EFNA5: variants seen among roughly 807,000 people sequenced by gnomAD.
EFNA5 encodes ephrin-A5.
EFNA5 carries 5 observed loss-of-function variants against 22.9 expected under a neutral mutation model. The observed-to-expected ratio is 0.22, with a 90% CI of 0.11 to 0.46. The LOEUF (loss-of-function observed/expected upper bound fraction) is 0.46. Among genes scored for constraint, EFNA5 ranks in the 20% least tolerant of loss-of-function variants. The pLI is 0.99. For synonymous variants in EFNA5, 113 were observed against 112.2 expected, an observed-to-expected ratio of 1.01 and a Z score of -0.04; for missense variants, 237 against 293.3, an observed-to-expected ratio of 0.81 and a Z score of 1.40.
intron 1 of EFNA5, among the ~76,000 whole-genome samples, chr5:107,471,204 C>A (rs936411352): frequency 6.6e-6 from 1 of 152,234 alleles, no homozygotes; most frequent in Non-Finnish European, 1.5e-5. Context: ...AGCATGGAAC[C>A]TATCCAGCCT....
In EFNA5 at chr5:107,399,321, AAAGGAAAG is replaced by A. The variant is rs1337819848; in HGVS notation, c.419-11558_419-11551del. Among the ~76,000 whole-genome samples the A allele has an allele frequency of 8.7e-5, 8 of 92,384 alleles. No individual in the cohort carries two copies. In the East Asian group the frequency reaches 2.5e-3, roughly 29 times the overall value. The allele number at this position is 92,384 out of a possible 152,430, so 60.6% of individuals were successfully genotyped here. ...AGGAAGGAAGGAAGGAAGGAAACGG[AAAGGAAAG>A]GAAAGGAAAGGAAAGGAAAGGAAAG... is the stretch of plus-strand genomic sequence containing the variant. On this transcript the variant is annotated intron_variant, in intron 2 of 4. Coordinates refer to ENST00000333274, the MANE Select transcript of EFNA5 (RefSeq NM_001962.3).
chr5:107,416,289 T>A lies in EFNA5; in HGVS notation c.418+10928A>T, dbSNP rs1748502775. Among the ~76,000 whole-genome samples the A allele has an allele frequency of 2.0e-5, 3 of 152,230 alleles. No homozygotes were observed. In the South Asian group the frequency reaches 6.2e-4, roughly 32 times the overall value. ...TTCCAAGGTGAAGGTAGAACTTAGA[T>A]AACGACTTGCCAATGATGCTTGAAA... On this transcript the variant is annotated intron_variant, in intron 2 of 4. Coordinates refer to ENST00000333274, the MANE Select transcript of EFNA5 (RefSeq NM_001962.3).
intron 1 of EFNA5, among the ~76,000 whole-genome samples, chr5:107,454,784 G>A (rs1480224472): frequency 6.6e-6 from 1 of 152,116 alleles, no homozygotes; most frequent in East Asian, 1.9e-4. Context: ...AGGGAATGAG[G>A]AAGAATACAT....
intron 1 of EFNA5, among the ~76,000 whole-genome samples, chr5:107,437,345 G>A (rs1749140489): frequency 6.6e-6 from 1 of 152,204 alleles, no homozygotes; most frequent in African/African-American, 2.4e-5. Context: ...ATTGGCACGT[G>A]CAAGGTAATT....
At chr5:107,572,794 T>G (rs1242914608) in intron 1 of EFNA5, among the ~76,000 whole-genome samples, 1 of 152,220 alleles carries the variant, frequency 6.6e-6, no homozygotes, top group Non-Finnish European at 1.5e-5. Flanking sequence ...CCTTTTCACC[T>G]AATTCTTTGT....
At chr5:107,547,434 A>C (rs1396652959) in intron 1 of EFNA5, among the ~76,000 whole-genome samples, 2 of 152,086 alleles carry the variant, frequency 1.3e-5, no homozygotes, top group Non-Finnish European at 2.9e-5. Context: ...GGTGTCACAT[A>C]GTATCCTCCA....
At chr5:107,489,879 G>A (rs1242181097) in intron 1 of EFNA5, among the ~76,000 whole-genome samples, 1 of 152,190 alleles carries the variant, frequency 6.6e-6, no homozygotes, top group Non-Finnish European at 1.5e-5. Flanking sequence ...GCAACATCCT[G>A]AGATAAGAGG....
chr5:107,621,526 G>A (rs145711277), intron 1 of EFNA5, among the ~76,000 whole-genome samples: 1 of 152,138 alleles, frequency 6.6e-6, no homozygotes, highest in Non-Finnish European at 1.5e-5. Flanking sequence ...TTATATGAGG[G>A]AAGCCATGGA....
At chr5:107,459,768 T>A (rs1749787194) in intron 1 of EFNA5, among the ~76,000 whole-genome samples, 1 of 152,132 alleles carries the variant, frequency 6.6e-6, no homozygotes, top group Non-Finnish European at 1.5e-5. Flanking sequence ...CAATGATTGG[T>A]GAGTTCACAC....
chr5:107,441,787 G>C (rs570226394), intron 1 of EFNA5, among the ~76,000 whole-genome samples: 2 of 152,182 alleles, frequency 1.3e-5, no homozygotes, highest in East Asian at 1.9e-4. Flanking sequence ...CAAGTATATG[G>C]AAACAGGAAA....
chr5:107,402,092 G>C (rs1748100800), intron 2 of EFNA5, among the ~76,000 whole-genome samples: 1 of 152,158 alleles, frequency 6.6e-6, no homozygotes, highest in Non-Finnish European at 1.5e-5. Context: ...TGAATACATG[G>C]TTTCACCGAC....
intron 1 of EFNA5, among the ~76,000 whole-genome samples, chr5:107,472,434 A>C (rs563114175): frequency 6.6e-6 from 1 of 152,332 alleles, no homozygotes. Context: ...AAACACTAGA[A>C]GTTGTTAGTA....
At chr5:107,395,500 T>C (rs1043224912) in intron 2 of EFNA5, among the ~76,000 whole-genome samples, 1 of 152,222 alleles carries the variant, frequency 6.6e-6, no homozygotes, top group African/African-American at 2.4e-5. Flanking sequence ...GTCTAAGAAA[T>C]TTCTTAACAT....
At chr5:107,528,014 T>A (rs464250) in intron 1 of EFNA5, among the ~76,000 whole-genome samples, 1 of 152,100 alleles carries the variant, frequency 6.6e-6, no homozygotes, top group African/African-American at 2.4e-5. Context: ...GAACCACAGC[T>A]TGGCAAATAG....
chr5:107,448,253 A>T (rs758667302), intron 1 of EFNA5, among the ~76,000 whole-genome samples: 1 of 152,158 alleles, frequency 6.6e-6, no homozygotes, highest in Non-Finnish European at 1.5e-5. Flanking sequence ...AGGCAAACAA[A>T]CACACAGACC....
intron 1 of EFNA5, among the ~76,000 whole-genome samples, chr5:107,509,485 ATTTTTTT>A (rs35228224): frequency 4.8e-5 from 6 of 125,230 alleles, no homozygotes; most frequent in Admixed American, 8.2e-5. Context: ...TGCTTGGCTA[ATTTTTTT>A]TTTTTTTTTT....
intron 1 of EFNA5, among the ~76,000 whole-genome samples, chr5:107,446,242 T>G (rs1034234302): frequency 6.6e-6 from 1 of 152,236 alleles, no homozygotes; most frequent in Non-Finnish European, 1.5e-5. Context: ...GTGCTCAGTA[T>G]GTATTAAAAC....
At chr5:107,500,723 G>A (rs974610166) in intron 1 of EFNA5, among the ~76,000 whole-genome samples, 2 of 151,956 alleles carry the variant, frequency 1.3e-5, no homozygotes, top group African/African-American at 4.8e-5. Context: ...ACCCTGACTG[G>A]AACATGAAAT....
intron 1 of EFNA5, among the ~76,000 whole-genome samples, chr5:107,572,844 T>C (rs1251646642): frequency 6.6e-6 from 1 of 152,204 alleles, no homozygotes; most frequent in Non-Finnish European, 1.5e-5. Context: ...AGCATGCTGA[T>C]GTTTTGTAAG....
Sources: gnomAD v4.1 joint callset for allele counts (sites outside exome capture counted in the v4.1 genomes callset) on GRCh38, gnomAD v4.1.1 for gene constraint, MANE v1.5 for transcripts, NCBI Gene and HGNC (gene_info 2026-07-23, HGNC 2026-07-21) for gene names.